Variants in RPP21 observed in about 807,000 individuals in gnomAD.
RPP21 encodes the protein ribonuclease P subunit p21, also known as ribonuclease P protein subunit p21.
A neutral mutation model predicts 19.0 loss-of-function variants in RPP21; 21 were observed. That is an observed-to-expected ratio of 1.11 (90% CI 0.78 to 1.59). The LOEUF is 1.59. RPP21 is among the 40% of genes most tolerant of loss of function. The pLI is 0.00. For missense variants in RPP21, 215 were observed against 200.2 expected (o/e 1.07, Z -0.45); for synonymous variants, 93 against 78.7 (o/e 1.18, Z -0.96).
chr6:30,346,489 G>C lies in RPP21; in HGVS notation c.299G>C (p.Arg100Pro), dbSNP rs1224410598. ...TGCCTAACATGCCAGCGCAGCCAAC[G>C]CTTCCTCAATGATCCCGGGCATTTA... is the stretch of plus-strand genomic sequence containing the variant. ...QTCLTCQRSQ[R>P]FLNDPGHLLW... The change falls in exon 4 of 5, where the codon CGC (arginine) becomes CCC (proline). Residue 100 changes from arginine (R) to proline (P), a missense_variant. Physicochemically the swap from Arg to Pro is moderately radical, Grantham distance 103 (BLOSUM62 -2). Coordinates refer to ENST00000442966, the MANE Select transcript of RPP21 (RefSeq NM_024839.4). The surrounding 1 kb of genome is among the most constrained non-coding windows in gnomAD (Gnocchi z 4.7). 6.8e-6 allele frequency: 11 copies of C among 1,614,084 alleles called. No homozygotes were observed. Among genetic ancestry groups the C allele is most frequent in the Middle Eastern group, 1.7e-4 (1 of 6,058 alleles).
Position 30,345,179 on chromosome 6 carries a change from G to A in RPP21, c.8G>A (p.Gly3Glu), listed in dbSNP as rs1185242035. MA[G>E]PVKDREAFQR... ...CCCTGGAGCGCGGCGGTGATGGCGG[G>A]GCCGGTGAAGGACCGCGAGGCCTTC... The change falls in exon 1 of 5, where the codon GGG becomes GAG. Residue 3 changes from glycine (G) to glutamate (E), a missense_variant. Coordinates refer to ENST00000442966, the MANE Select transcript of RPP21 (RefSeq NM_024839.4). The A allele has an allele frequency of 1.9e-6, 3 of 1,563,366 alleles. No individual in the cohort carries two copies. Among genetic ancestry groups the A allele is most frequent in the Admixed American group, 1.9e-5 (1 of 52,634 alleles).
intron 1 of RPP21, 28 bp downstream of exon 1, chr6:30,345,256 G>A: frequency 1.2e-6 from 2 of 1,613,022 alleles, no homozygotes; most frequent in Middle Eastern, 1.6e-4. Context: ...GCCCCACGGG[G>A]ACGGTGCTCG....
Position 30,346,254 on chromosome 6 carries a change from A to T in RPP21, c.242-178A>T. On this transcript the variant is annotated intron_variant, in intron 3 of 4. Coordinates refer to ENST00000442966, the MANE Select transcript of RPP21 (RefSeq NM_024839.4). This position sits in a 1 kb window ranked among gnomAD's most constrained non-coding sequence, Gnocchi z 4.7. ...TGTTAGGGAGTTTGAACTTTATCTT[A>T]AAGAGTTCCAGGAAATCGATGGAGC... The T allele has an allele frequency of 1.8e-6, 2 of 1,112,744 alleles. No homozygotes were observed. Among genetic ancestry groups the T allele is most frequent in the Non-Finnish European group, 2.5e-6 (2 of 801,614 alleles). The allele number at this position is 1,112,744 out of a possible 1,614,324, so 68.9% of individuals were successfully genotyped here.
intron 3 of RPP21, chr6:30,345,774 G>C: frequency 2.2e-6 from 1 of 447,286 alleles, no homozygotes; most frequent in Non-Finnish European, 3.8e-6. Flanking sequence ...GGGCTCGGCT[G>C]TTTTTTTTTT....
In RPP21 at chr6:30,346,834, A is replaced by G. The variant is rs747282590; in HGVS notation, c.*24A>G. 2.5e-6 allele frequency: 4 copies of G among 1,611,648 alleles called. No homozygotes were observed. In the South Asian group the frequency reaches 3.3e-5, roughly 13 times the overall value. ...GATGGATTCACCCCATCTCCCAAAT[A>G]AAGTTTACTTGTTTTACATTCCATG... On this transcript the variant is annotated 3_prime_UTR_variant, in exon 5 of 5. Transcript: ENST00000442966. This position sits in a 1 kb window ranked among gnomAD's most constrained non-coding sequence, Gnocchi z 4.7.
In RPP21 at chr6:30,346,500, G is replaced by A; in HGVS notation, c.310G>A (p.Asp104Asn). Residue 104 changes from aspartate to asparagine, a missense_variant, in exon 4 of 5, where the codon GAT becomes AAT. Physicochemically the swap from Asp to Asn is conservative, Grantham distance 23 (BLOSUM62 1). Transcript: ENST00000442966. The surrounding 1 kb of genome is among the most constrained non-coding windows in gnomAD (Gnocchi z 4.7). ...CCAGCGCAGCCAACGCTTCCTCAAT[G>A]ATCCCGGGCATTTACTCTGGGGAGA... is the stretch of plus-strand genomic sequence containing the variant. The part of the protein sequence containing the change: ...TCQRSQRFLN[D>N]PGHLLWGDRP... 6.2e-7 allele frequency: 1 copy of A among 1,614,094 alleles called. No individual in the cohort carries two copies. The highest frequency in any genetic ancestry group is 8.5e-7 in the Non-Finnish European group (1 of 1,180,016).
chr6:30,345,549 C>T lies in RPP21; in HGVS notation c.217C>T (p.Leu73Phe), dbSNP rs1788048508. Residue 73 changes from leucine (L) to phenylalanine (F), a missense_variant, in exon 3 of 5, where the codon CTC becomes TTC. By Grantham distance (22) the Leu-to-Phe change is conservative. Transcript: ENST00000442966. Reference protein sequence around the residue: ...RGCSSLLVPGLTCTQRQRRCR... With the variant: ...RGCSSLLVPGFTCTQRQRRCR... ...CTGCTCTTCCCTCCTCGTCCCGGGCCTCACCTGCACCCAGCGCCAGAGACG... is the reference window on the plus strand; with the variant it reads ...CTGCTCTTCCCTCCTCGTCCCGGGCTTCACCTGCACCCAGCGCCAGAGACG... The T allele has an allele frequency of 1.3e-6, 2 of 1,581,306 alleles. No homozygotes were observed. The highest frequency in any genetic ancestry group is 1.7e-6 in the Non-Finnish European group (2 of 1,162,840).
Position 30,346,579 on chromosome 6 carries a change from G to T in RPP21, c.367+22G>T, listed in dbSNP as rs759347912. On this transcript the variant is annotated intron_variant, in intron 4 of 4. Coordinates refer to ENST00000442966, the MANE Select transcript of RPP21 (RefSeq NM_024839.4). The surrounding 1 kb of genome is among the most constrained non-coding windows in gnomAD (Gnocchi z 4.7). Reference sequence around the variant, plus strand: ...GCAGGTGAGAGGTGAGGGAGAAAATGGAGGACACCCCAGAGGATAGGGACA... The same window carrying T: ...GCAGGTGAGAGGTGAGGGAGAAAATTGAGGACACCCCAGAGGATAGGGACA... 2 of 1,614,156 alleles carry T rather than the reference G, an allele frequency of 1.2e-6. No homozygotes were observed. Among genetic ancestry groups the T allele is most frequent in the African/African-American group, 2.7e-5 (2 of 75,034 alleles).
chr6:30,346,729 A>G lies in RPP21; in HGVS notation c.384A>G (p.Gln128=). The part of the protein sequence containing the change: ...LGSQADSKPL[Q]PLPNTAHSIS... ...TTTACTCAGATTCCAAACCACTACAACCCTTGCCAAACACAGCCCACTCCA... is the reference window on the plus strand; with the variant it reads ...TTTACTCAGATTCCAAACCACTACAGCCCTTGCCAAACACAGCCCACTCCA... Residue 128 remains glutamine, a synonymous_variant, in exon 5 of 5, where the codon CAA becomes CAG. Transcript: ENST00000442966. The surrounding 1 kb of genome is among the most constrained non-coding windows in gnomAD (Gnocchi z 4.7). 1 of 1,613,350 alleles carries G rather than the reference A, an allele frequency of 6.2e-7. No homozygotes were observed. Among genetic ancestry groups the G allele is most frequent in the Non-Finnish European group, 8.5e-7 (1 of 1,179,992 alleles).
rs780165922 is a variant in RPP21 at position 30,345,299 on chromosome 6, C to T, written c.59C>T (p.Ala20Val). Residue 20 changes from alanine (A) to valine (V), a missense_variant and splice_region_variant, in exon 2 of 5, where the codon GCC becomes GTC. By Grantham distance (64) the Ala-to-Val change is moderately conservative. Coordinates refer to ENST00000442966, the MANE Select transcript of RPP21 (RefSeq NM_024839.4). ...AFQRLNFLYQ[A>V]AHCVLAQDPE... ...AGAGTGACTGCTCCCCTCCCGCAGG[C>T]CGCCCATTGTGTCCTTGCCCAGGAC... 5 of 1,613,728 alleles carry T rather than the reference C, an allele frequency of 3.1e-6. No homozygotes were observed. The South Asian group carries it at 5.5e-5, about 18-fold the overall frequency.
Position 30,346,852 on chromosome 6 carries a change from A to G in RPP21, c.*42A>G. On this transcript the variant is annotated 3_prime_UTR_variant, in exon 5 of 5. Coordinates refer to ENST00000442966, the MANE Select transcript of RPP21 (RefSeq NM_024839.4). This position sits in a 1 kb window ranked among gnomAD's most constrained non-coding sequence, Gnocchi z 4.7. ...CCCAAATAAAGTTTACTTGTTTTAC[A>G]TTCCATGATTCTGTTCTGTGGGTAT... The G allele has an allele frequency of 9.3e-6, 15 of 1,606,302 alleles. No homozygotes were observed. Among genetic ancestry groups the G allele is most frequent in the Non-Finnish European group, 1.3e-5 (15 of 1,174,304 alleles).
chr6:30,345,628 G>A, intron 3 of RPP21, 55 bp downstream of exon 3: 2 of 1,394,638 alleles, frequency 1.4e-6, no homozygotes, highest in Non-Finnish European at 1.9e-6. Flanking sequence ...GCGGAGGGGG[G>A]CGGGGTGGGG....
Position 30,346,319 on chromosome 6 carries a change from TG to T in RPP21, c.242-108del. 2 of 1,521,176 alleles carry T rather than the reference TG, an allele frequency of 1.3e-6. No individual in the cohort carries two copies. The highest frequency in any genetic ancestry group is 1.8e-6 in the Non-Finnish European group (2 of 1,126,080). 94.2% of individuals were successfully genotyped at this position (1,521,176 alleles called of 1,614,324 possible). ...GACACCATCAAATGTGCATTCAAAT[TG>T]GGGGTGTGGTGGGGGAGCGGGGATA... On this transcript the variant is annotated intron_variant, in intron 3 of 4. Coordinates refer to ENST00000442966, the MANE Select transcript of RPP21 (RefSeq NM_024839.4). The surrounding 1 kb of genome is among the most constrained non-coding windows in gnomAD (Gnocchi z 4.7).
Position 30,346,206 on chromosome 6 carries a change from A to T in RPP21, c.242-226A>T, listed in dbSNP as rs745404441. On this transcript the variant is annotated intron_variant, in intron 3 of 4. Transcript: ENST00000442966. This position sits in a 1 kb window ranked among gnomAD's most constrained non-coding sequence, Gnocchi z 4.7. ...GGGCAAAACATGAGACTGGAGGGGG[A>T]AACAGGCCAGTTCTTGAAGTCTTGT... 4 of 695,724 alleles carry T rather than the reference A, an allele frequency of 5.7e-6. No individual in the cohort carries two copies. The South Asian group carries it at 1.1e-4, about 19-fold the overall frequency. The allele number at this position is 695,724 out of a possible 1,614,324, so 43.1% of individuals were successfully genotyped here. A position where few individuals can be genotyped will look rare whatever the true frequency, so the allele number is the denominator to read the frequency against.
At chr6:30,345,422 G>A (rs774897785) in intron 2 of RPP21, 24 bp downstream of exon 2, 1 of 1,608,228 alleles carries the variant, frequency 6.2e-7, no homozygotes, top group Non-Finnish European at 8.5e-7. Flanking sequence ...GGGGCGGGCG[G>A]CGGGCGGGAC....
chr6:30,345,393 G>A lies in RPP21; in HGVS notation c.153G>A (p.Leu51=). The A allele has an allele frequency of 6.2e-7, 1 of 1,612,640 alleles. No individual in the cohort carries two copies. The highest frequency in any genetic ancestry group is 1.7e-5 in the Admixed American group (1 of 59,990). Residue 51 remains leucine, a synonymous_variant, in exon 2 of 5, where the codon TTG becomes TTA. Transcript: ENST00000442966. ...TERTIAKRLV[L]RRDPSVKRTL... ...GGACCATTGCGAAGCGGCTCGTCTT[G>A]CGGCGGTGAGACAGCCACGGGGCGG...
In RPP21 at chr6:30,346,452, A is replaced by G; in HGVS notation, c.262A>G (p.Thr88Ala). 2 of 1,614,074 alleles carry G rather than the reference A, an allele frequency of 1.2e-6. No individual in the cohort carries two copies. The highest frequency in any genetic ancestry group is 4.5e-5 in the East Asian group (2 of 44,862). ...RQRRCRGQRWTVQTCLTCQRS... is the reference protein window; with the variant it reads ...RQRRCRGQRWAVQTCLTCQRS... The stretch of plus-strand genomic sequence containing the variant: ...CCTAGGCTGCAGGGGACAGCGCTGG[A>G]CCGTACAGACCTGCCTAACATGCCA... The change falls in exon 4 of 5, where the codon ACC becomes GCC. Residue 88 changes from threonine (T) to alanine (A), a missense_variant. By Grantham distance (58) the Thr-to-Ala change is moderately conservative (BLOSUM62 0). Transcript: ENST00000442966. This position sits in a 1 kb window ranked among gnomAD's most constrained non-coding sequence, Gnocchi z 4.7.
intron 3 of RPP21, chr6:30,345,860 G>A (rs1344753679): frequency 1.4e-5 from 6 of 426,698 alleles, no homozygotes; most frequent in Non-Finnish European, 2.1e-5. Context: ...GATGTTGTTC[G>A]GCTTTGTGGA....
chr6:30,345,924 T>G (rs1289995312), intron 3 of RPP21: 2 of 297,348 alleles, frequency 6.7e-6, no homozygotes, highest in Non-Finnish European at 1.2e-5. Context: ...TTCTAAAATG[T>G]GTCAGGTACT....
Sources: gnomAD v4.1 joint callset for allele counts on GRCh38, gnomAD v4.1.1 for gene constraint, Gnocchi (gnomAD v3.1) non-coding constraint, MANE v1.5 for transcripts, NCBI Gene and HGNC (gene_info 2026-07-23, HGNC 2026-07-21) for gene names.